Variants in PCDH15 observed in about 807,000 individuals in gnomAD.
The protein encoded by PCDH15 is protocadherin-15.
Under a neutral mutation model 178.5 loss-of-function variants are expected in PCDH15, and 129 were observed. The observed-to-expected ratio is 0.72, with a 90% CI of 0.63 to 0.84. The LOEUF (loss-of-function observed/expected upper bound fraction) is 0.84. PCDH15 is among the 40% of genes least tolerant of loss of function. PCDH15 has a pLI of 0.00. For missense variants in PCDH15, 2,230 were observed against 2,099.9 expected (o/e 1.06, Z -1.21); for synonymous variants, 800 against 732.0 (o/e 1.09, Z -1.50).
At chr10:54,547,915 C>T (rs189021709) in intron 2 of PCDH15, among the ~76,000 whole-genome samples, 322 of 151,756 alleles carry the variant, frequency 2.1e-3, no homozygotes, top group Non-Finnish European at 3.1e-3. Flanking sequence ...TTCAGAATTC[C>T]TCTTTCTCCC....
At chr10:53,920,981 AT>A (rs2083950385) in intron 25 of PCDH15, among the ~76,000 whole-genome samples, 1 of 152,140 alleles carries the variant, frequency 6.6e-6, no homozygotes, top group Admixed American at 6.5e-5. Context: ...TAAATAATTC[AT>A]TTTTTGCACA....
intron 2 of PCDH15, among the ~76,000 whole-genome samples, chr10:54,963,601 A>G (rs1350509637): frequency 2.0e-5 from 3 of 152,202 alleles, no homozygotes; most frequent in Non-Finnish European, 4.4e-5. Flanking sequence ...ATATTAGGCA[A>G]CACTGTATTT....
chr10:54,166,113 C>A (rs767775761), intron 13 of PCDH15, among the ~76,000 whole-genome samples: 6 of 152,148 alleles, frequency 3.9e-5, no homozygotes, highest in Non-Finnish European at 5.9e-5. Flanking sequence ...ATCTTTAATG[C>A]CTCATGAAAT....
intron 21 of PCDH15, among the ~76,000 whole-genome samples, chr10:53,992,355 G>A (rs927026896): frequency 4.6e-5 from 7 of 152,056 alleles, no homozygotes; most frequent in South Asian, 2.1e-4. Context: ...TCTTGAAGTC[G>A]GTGAGACCAA....
chr10:55,056,782 G>A (rs1841318253), intron 2 of PCDH15, among the ~76,000 whole-genome samples: 1 of 151,658 alleles, frequency 6.6e-6, no homozygotes, highest in Admixed American at 6.6e-5. Flanking sequence ...ACAGGTGCAT[G>A]CTGCCATGCC....
At chr10:54,103,357 C>G (rs1488303835) in intron 15 of PCDH15, among the ~76,000 whole-genome samples, 4 of 152,200 alleles carry the variant, frequency 2.6e-5, no homozygotes, top group Non-Finnish European at 4.4e-5. Flanking sequence ...GGTAACTACA[C>G]CCACCTTGCC....
chr10:54,070,201 T>TTTTG lies in PCDH15; in HGVS notation c.2092-3320_2092-3317dup, dbSNP rs568427867. Among the ~76,000 whole-genome samples the TTTTG allele has an allele frequency of 3.9e-5, 6 of 152,242 alleles. No homozygotes were observed. In the East Asian group the frequency reaches 9.7e-4, roughly 25 times the overall value. On this transcript the variant is annotated intron_variant, in intron 17 of 37. Coordinates refer to ENST00000644397, the MANE Select transcript of PCDH15 (RefSeq NM_001384140.1). ...TCTCAACAATGCAAGATATTTCTGT[T>TTTTG]TTTGTTTGTTTGTTTGTTTTGAGAC...
At chr10:53,817,000 GGTTA>G (rs2076082234) in intron 34 of PCDH15, among the ~76,000 whole-genome samples, 2 of 152,084 alleles carry the variant, frequency 1.3e-5, no homozygotes, top group South Asian at 4.2e-4. Flanking sequence ...CAAATTTTGG[GGTTA>G]GTAACTCTTT....
intron 1 of PCDH15, among the ~76,000 whole-genome samples, chr10:54,735,053 T>C (rs1566077997): frequency 6.6e-6 from 1 of 152,008 alleles, no homozygotes; most frequent in Non-Finnish European, 1.5e-5. Flanking sequence ...CAACTTATTA[T>C]ATGAAAACTA....
chr10:54,037,389 C>A, intron 18 of PCDH15, among the ~76,000 whole-genome samples: 1 of 151,888 alleles, frequency 6.6e-6, no homozygotes, highest in East Asian at 1.9e-4. Flanking sequence ...GCCATCCCAA[C>A]TTCAGCAACC....
chr10:55,442,034 G>A (rs1839200077), intron 2 of PCDH15, among the ~76,000 whole-genome samples: 1 of 152,112 alleles, frequency 6.6e-6, no homozygotes, highest in Admixed American at 6.5e-5. Context: ...TAAAGGGCAT[G>A]TGGCTCTGCT....
chr10:55,508,376 C>T (rs7096399), intron 2 of PCDH15, among the ~76,000 whole-genome samples: 5 of 151,636 alleles, frequency 3.3e-5, no homozygotes, highest in African/African-American at 9.7e-5. Flanking sequence ...CAATTGAAAT[C>T]AGTACAGATT....
At chr10:54,514,616 C>T (rs1005815917) in intron 3 of PCDH15, among the ~76,000 whole-genome samples, 8 of 144,464 alleles carry the variant, frequency 5.5e-5, no homozygotes, top group African/African-American at 2.1e-4. Context: ...TTGAAATTGG[C>T]TGAAATAAAA....
intron 10 of PCDH15, among the ~76,000 whole-genome samples, chr10:54,203,123 G>A (rs79627650): frequency 0.024 from 3,706 of 152,206 alleles, 57 homozygotes; most frequent in Middle Eastern, 0.082. Context: ...GCATCCAAGA[G>A]CCAATGTTGT....
At position 54,857,158 on chromosome 10, in the gene PCDH15, T is replaced by C. The variant is rs374157317; in HGVS notation, c.-29+40292A>G. Among the ~76,000 whole-genome samples, 6 of 152,192 alleles carry C rather than the reference T, an allele frequency of 3.9e-5. No individual in the cohort carries two copies. The East Asian group carries it at 1.2e-3, about 29-fold the overall frequency. On this transcript the variant is annotated intron_variant, in intron 3 of 5. Transcript: ENST00000458638. Reference sequence around the variant, plus strand: ...GACATTGAATTCACCTCTGCATCTATATCACTTATGTTAGAATCTGGAAAA... The same window carrying C: ...GACATTGAATTCACCTCTGCATCTACATCACTTATGTTAGAATCTGGAAAA...
At chr10:55,383,182 G>A (rs1837577872) in intron 2 of PCDH15, among the ~76,000 whole-genome samples, 1 of 152,110 alleles carries the variant, frequency 6.6e-6, no homozygotes, top group African/African-American at 2.4e-5. Flanking sequence ...ATCTTTTCCT[G>A]AAGCCCAGCT....
chr10:55,566,154 T>C (rs1842297165), intron 2 of PCDH15, among the ~76,000 whole-genome samples: 1 of 151,700 alleles, frequency 6.6e-6, no homozygotes, highest in African/African-American at 2.4e-5. Context: ...TATTTCAACA[T>C]ACAAAAATTG....
At position 55,153,182 on chromosome 10, in the gene PCDH15, T is replaced by G. The variant is rs144109507; in HGVS notation, c.-80+13394A>C. Among the ~76,000 whole-genome samples the G allele has an allele frequency of 5.4e-3, 824 of 152,242 alleles. 9 individuals are homozygous for G. Among genetic ancestry groups the G allele is most frequent in the African/African-American group, 0.019 (775 of 41,546 alleles). ...CTATGACTTCCATAAGTGAAATGTC[T>G]TTATCAGTGAAAACAAAACTAGCCT... On this transcript the variant is annotated intron_variant, in intron 2 of 5. Transcript: ENST00000458638.
chr10:54,896,635 G>A (rs1564612655), intron 3 of PCDH15, among the ~76,000 whole-genome samples: 1 of 151,978 alleles, frequency 6.6e-6, no homozygotes, highest in Admixed American at 6.6e-5. Flanking sequence ...CTAAAATCCA[G>A]GGCCTTGAAG....
Sources: gnomAD v4.1 joint callset for allele counts (sites outside exome capture counted in the v4.1 genomes callset) on GRCh38, gnomAD v4.1.1 for gene constraint, MANE v1.5 for transcripts, NCBI Gene and HGNC (gene_info 2026-07-23, HGNC 2026-07-21) for gene names.